Variants in OR7A5 observed in about 807,000 individuals in gnomAD.
The protein encoded by OR7A5 is olfactory receptor family 7 subfamily A member 5.
For synonymous variants in OR7A5, 140 were observed against 146.7 expected (o/e 0.95, Z 0.33); for missense variants, 319 against 377.9 (o/e 0.84, Z 1.29).
Position 14,826,995 on chromosome 19 carries a change from T to C in OR7A5, c.*287A>G, listed in dbSNP as rs887532390. On this transcript the variant is annotated 3_prime_UTR_variant, in exon 2 of 2. Coordinates refer to ENST00000322301, the MANE Select transcript of OR7A5 (RefSeq NM_017506.2). ...AGTGTAGTCTATGCCACAGGAGACA[T>C]ACAACTCTTCCCTGTATGAGACAAA... The C allele has an allele frequency of 3.2e-5, 8 of 252,542 alleles. No homozygotes were observed. Among genetic ancestry groups the C allele is most frequent in the African/African-American group, 1.3e-4 (6 of 44,678 alleles). The allele number at this position is 252,542 out of a possible 1,614,324, so 15.6% of individuals were successfully genotyped here.
intron 1 of OR7A5, among the ~76,000 whole-genome samples, chr19:14,833,153 CACACATCTT>C (rs1288595193): frequency 1.3e-5 from 2 of 152,154 alleles, no homozygotes; most frequent in Non-Finnish European, 2.9e-5. Flanking sequence ...TCACCTACCT[CACACATCTT>C]ACACAAAGTC....
Position 14,827,893 on chromosome 19 carries a change from C to T in OR7A5, c.349G>A (p.Val117Met), listed in dbSNP as rs202108745. ...GCCACAAACCGGTCATAGGCCATCA[C>T]GGACAGGAGGAAGTTTTCAAATCCA... ...FAGFENFLLS[V>M]MAYDRFVAIC... Residue 117 changes from valine to methionine, a missense_variant, in exon 2 of 2, where the codon GTG becomes ATG. Transcript: ENST00000322301. 18 of 1,614,070 alleles carry T rather than the reference C, an allele frequency of 1.1e-5. No homozygotes were observed. Among genetic ancestry groups the T allele is most frequent in the Admixed American group, 1.0e-4 (6 of 59,994 alleles).
Position 14,834,137 on chromosome 19 carries a change from C to T in OR7A5, c.-14+937G>A, listed in dbSNP as rs947719536. ...ATTAGCCTAGCATGGTGGTGCACACCAGTAGTTCCAGCTACTTGGGAGACT... is the reference window on the plus strand; with the variant it reads ...ATTAGCCTAGCATGGTGGTGCACACTAGTAGTTCCAGCTACTTGGGAGACT... On this transcript the variant is annotated intron_variant, in intron 1 of 1. Transcript: ENST00000322301. Among the ~76,000 whole-genome samples the T allele has an allele frequency of 2.0e-5, 3 of 152,202 alleles. No homozygotes were observed. The South Asian group carries it at 6.2e-4, about 32-fold the overall frequency.
chr19:14,831,427 CTTTAT>C (rs1190660105), intron 1 of OR7A5, among the ~76,000 whole-genome samples: 4 of 151,706 alleles, frequency 2.6e-5, no homozygotes, highest in Non-Finnish European at 4.4e-5. Context: ...CCTGTGTGGC[CTTTAT>C]TTTATTTTAT....
At chr19:14,828,881 A>C (rs906360558) in intron 1 of OR7A5, among the ~76,000 whole-genome samples, 1 of 152,100 alleles carries the variant, frequency 6.6e-6, no homozygotes, top group Non-Finnish European at 1.5e-5. Context: ...AATGCTGAGA[A>C]ACAAAAGTCC....
At position 14,828,110 on chromosome 19, in the gene OR7A5, G is replaced by A. The variant is rs2044792186; in HGVS notation, c.132C>T (p.Leu44=). Residue 44 remains leucine (L), a synonymous_variant, in exon 2 of 2, where the codon CTC becomes CTT. Transcript: ENST00000322301. ...AGTCTGAGATTGTGGCCAGGATGAT[G>A]AGCAGGTTCCCGAGCACAGTGACCA... ...MYLVTVLGNL[L]IILATISDSH... is the part of the protein sequence containing the mutation. 1.9e-6 allele frequency: 3 copies of A among 1,614,026 alleles called. No homozygotes were observed. The highest frequency in any genetic ancestry group is 2.7e-5 in the African/African-American group (2 of 74,910).
chr19:14,830,881 C>T (rs980149515), intron 1 of OR7A5, among the ~76,000 whole-genome samples: 13 of 152,162 alleles, frequency 8.5e-5, no homozygotes, highest in African/African-American at 2.9e-4. Flanking sequence ...CGTCTTATCA[C>T]CTGACCCTCA....
chr19:14,831,208 C>T (rs1392343601), intron 1 of OR7A5, among the ~76,000 whole-genome samples: 4 of 152,238 alleles, frequency 2.6e-5, no homozygotes, highest in East Asian at 1.9e-4. Context: ...AGGTACAGAT[C>T]GCATATCCTA....
At chr19:14,831,812 T>G (rs10426228) in intron 1 of OR7A5, among the ~76,000 whole-genome samples, 29,261 of 152,022 alleles carry the variant, frequency 0.19, 3,479 homozygotes, top group African/African-American at 0.33. Flanking sequence ...CCAATGAGCT[T>G]GTTTCTGGTC....
chr19:14,827,588 G>A lies in OR7A5; in HGVS notation c.654C>T (p.Tyr218=), dbSNP rs969045842. 1 of 1,614,128 alleles carries A rather than the reference G, an allele frequency of 6.2e-7. No homozygotes were observed. The highest frequency in any genetic ancestry group is 1.7e-5 in the Admixed American group (1 of 60,010). ...CATGTATGGAAGAAATTATCTTAGAGTAAGAGTAAAGGATCCCAGTCAGGG... is the reference window on the plus strand; with the variant it reads ...CATGTATGGAAGAAATTATCTTAGAATAAGAGTAAAGGATCCCAGTCAGGG... ...GGPLTGILYS[Y]SKIISSIHAI... Residue 218 remains tyrosine (Y), a synonymous_variant, in exon 2 of 2, where the codon TAC becomes TAT. Transcript: ENST00000322301.
chr19:14,827,748 C>T lies in OR7A5; in HGVS notation c.494G>A (p.Arg165Gln), dbSNP rs776694847. 80 of 1,614,066 alleles carry T rather than the reference C, an allele frequency of 5.0e-5. No individual in the cohort carries two copies. Among genetic ancestry groups the T allele is most frequent in the Non-Finnish European group, 6.0e-5 (71 of 1,180,022 alleles). Residue 165 changes from arginine (R) to glutamine (Q), a missense_variant, in exon 2 of 2, where the codon CGG becomes CAG. Arg to Gln is a conservative substitution (Grantham distance 43, BLOSUM62 1). Transcript: ENST00000322301. ...YSLLQILMVV[R>Q]LSFCTALEIP... ...TTCTAAGGCTGTGCAGAAGGACAGC[C>T]GTACTACCATTAAGATTTGTAGCAA... is the stretch of plus-strand genomic sequence containing the variant.
At position 14,827,614 on chromosome 19, in the gene OR7A5, G is replaced by T; in HGVS notation, c.628C>A (p.Pro210Thr). ...YFTVALLGGG[P>T]LTGILYSYSK... ...TAAGAGTAAAGGATCCCAGTCAGGG[G>T]ACCTCCACCCAGCAGCGCAACTGTA... The change falls in exon 2 of 2, where the codon CCC becomes ACC. Residue 210 changes from proline to threonine, a missense_variant. Coordinates refer to ENST00000322301, the MANE Select transcript of OR7A5 (RefSeq NM_017506.2). 6.2e-7 allele frequency: 1 copy of T among 1,614,174 alleles called. No individual in the cohort carries two copies. The highest frequency in any genetic ancestry group is 8.5e-7 in the Non-Finnish European group (1 of 1,180,030).
intron 1 of OR7A5, among the ~76,000 whole-genome samples, chr19:14,834,180 G>A (rs183432437): frequency 3.5e-4 from 53 of 152,174 alleles, no homozygotes; most frequent in Middle Eastern, 3.4e-3. Flanking sequence ...GAGGATCACC[G>A]GAGCCAAGGA....
chr19:14,835,143 G>C lies in OR7A5; in HGVS notation c.-83C>G, dbSNP rs2044872390. ...ATTCCTCACTGGATGATTGATGGTG[G>C]AGACTGAAGCTCTGCTCAGCAGACT... On this transcript the variant is annotated 5_prime_UTR_variant, in exon 1 of 2. Transcript: ENST00000322301. 1 of 152,112 alleles carries C rather than the reference G, an allele frequency of 6.6e-6. No individual in the cohort carries two copies. Among genetic ancestry groups the C allele is most frequent in the South Asian group, 2.1e-4 (1 of 4,814 alleles). 9.4% of individuals were successfully genotyped at this position (152,112 alleles called of 1,614,324 possible).
At chr19:14,834,484 G>A (rs531800318) in intron 1 of OR7A5, among the ~76,000 whole-genome samples, 1 of 152,284 alleles carries the variant, frequency 6.6e-6, no homozygotes, top group African/African-American at 2.4e-5. Flanking sequence ...CCACGCAAGT[G>A]AGGAAATAAA....
chr19:14,827,424 G>A lies in OR7A5; in HGVS notation c.818C>T (p.Thr273Ile), dbSNP rs1568253481. 1.9e-6 allele frequency: 3 copies of A among 1,614,124 alleles called. No homozygotes were observed. Among genetic ancestry groups the A allele is most frequent in the Non-Finnish European group, 2.5e-6 (3 of 1,180,004 alleles). ...AATRNSHSSA[T>I]ASVMYTVVTP... ...GACCACAGTGTACATCACTGAGGCT[G>A]TTGCACTTGAGTGTGAGTTGCGGGT... is the stretch of plus-strand genomic sequence containing the variant. The change falls in exon 2 of 2, where the codon ACA (threonine) becomes ATA (isoleucine). Residue 273 changes from threonine to isoleucine, a missense_variant. Physicochemically the swap from Thr to Ile is moderately conservative, Grantham distance 89 (BLOSUM62 -1). Transcript: ENST00000322301.
Position 14,828,164 on chromosome 19 carries a change from GA to G in OR7A5, c.77del (p.Phe26SerfsTer57). ...GFSQEPGLQP[F>X]LFGLFLSMYL... Reference sequence around the variant, plus strand: ...ACATGGACAGGAACAGCCCAAAGAGGAAGGGTTGCAGTCCAGGTTCTTGTGA... The same window carrying G: ...ACATGGACAGGAACAGCCCAAAGAGGAGGGTTGCAGTCCAGGTTCTTGTGA... On this transcript the variant is annotated frameshift_variant, in exon 2 of 2. Transcript: ENST00000322301. LOFTEE classifies it low-confidence loss of function (END_TRUNC). 3 of 1,614,172 alleles carry G rather than the reference GA, an allele frequency of 1.9e-6. No individual in the cohort carries two copies. Among genetic ancestry groups the G allele is most frequent in the Non-Finnish European group, 2.5e-6 (3 of 1,180,022 alleles).
chr19:14,827,073 TAGGAAAACA>T lies in OR7A5; in HGVS notation c.*200_*208del, dbSNP rs2145075531. 2.4e-6 allele frequency: 1 copy of T among 423,970 alleles called. No individual in the cohort carries two copies. The highest frequency in any genetic ancestry group is 3.7e-5 in the East Asian group (1 of 26,758). The allele number at this position is 423,970 out of a possible 1,614,324, so 26.3% of individuals were successfully genotyped here. On this transcript the variant is annotated 3_prime_UTR_variant, in exon 2 of 2. Coordinates refer to ENST00000322301, the MANE Select transcript of OR7A5 (RefSeq NM_017506.2). ...AAAGTCGGAAATAACCTTGAGAAAG[TAGGAAAACA>T]ACAAAGAGAAAAAACTGTTGGATAT...
chr19:14,830,685 A>G (rs2044823109), intron 1 of OR7A5, among the ~76,000 whole-genome samples: 2 of 152,224 alleles, frequency 1.3e-5, no homozygotes, highest in Admixed American at 1.3e-4. Context: ...TCCTTTTGGA[A>G]CTAGAAATAA....
Sources: gnomAD v4.1 joint callset for allele counts (sites outside exome capture counted in the v4.1 genomes callset) on GRCh38, gnomAD v4.1.1 for gene constraint, MANE v1.5 for transcripts, NCBI Gene and HGNC (gene_info 2026-07-23, HGNC 2026-07-21) for gene names.